The following LYPLAL1 variants were observed in gnomAD, a reference collection of about 807,000 sequenced individuals.
The protein encoded by LYPLAL1 is lysophospholipase-like protein 1.
A neutral mutation model predicts 19.7 loss-of-function variants in LYPLAL1; 23 were observed. The observed-to-expected ratio is 1.17, with a 90% confidence interval of 0.84 to 1.65. The LOEUF (loss-of-function observed/expected upper bound fraction) is 1.65, where lower values mean the gene tolerates loss of function less well. LYPLAL1 is among the 40% of genes most tolerant of loss of function. The probability of loss-of-function intolerance (pLI) is 0.00; values close to 1 mark genes in which losing one functional copy is unlikely to be tolerated. For missense variants in LYPLAL1, 355 were observed against 279.4 expected (o/e 1.27, Z -1.93); for synonymous variants, 119 against 96.3 (o/e 1.24, Z -1.38).
At chr1:219,272,434 G>A in the LYPLAL1 span, 1 of 152,382 alleles carries the variant, frequency 6.6e-6, no homozygotes, top group Non-Finnish European at 1.5e-5. Context: ...ACACCACAGG[G>A]ATGACAGGTT....
the LYPLAL1 span, among the ~76,000 whole-genome samples, chr1:219,306,837 T>TAGAC: frequency 5.2e-4 from 67 of 128,934 alleles, no homozygotes; most frequent in African/African-American, 1.9e-3. Context: ...GATAGATAGA[T>TAGAC]AGATAGATAG....
the LYPLAL1 span, among the ~76,000 whole-genome samples, chr1:219,328,908 G>A: frequency 6.6e-6 from 1 of 152,070 alleles, no homozygotes; most frequent in Non-Finnish European, 1.5e-5. Flanking sequence ...ATGAATAAGT[G>A]TCTTGTTTTC....
chr1:219,439,279 A>G, the LYPLAL1 span, among the ~76,000 whole-genome samples: 1 of 152,100 alleles, frequency 6.6e-6, no homozygotes, highest in Non-Finnish European at 1.5e-5. Context: ...CTATTAGAGC[A>G]CAGATAACAT....
chr1:219,274,066 G>A, the LYPLAL1 span, among the ~76,000 whole-genome samples: 4 of 152,290 alleles, frequency 2.6e-5, no homozygotes, highest in East Asian at 7.7e-4. Flanking sequence ...GGCCCTGTAT[G>A]TGTTTTATAA....
chr1:219,351,401 G>T, the LYPLAL1 span, among the ~76,000 whole-genome samples: 1 of 151,698 alleles, frequency 6.6e-6, no homozygotes, highest in East Asian at 1.9e-4. Flanking sequence ...ATTAAGGAGG[G>T]CACATCATCA....
At position 219,195,301 on chromosome 1, in the gene LYPLAL1, G is replaced by T. The variant is rs192577995; in HGVS notation, c.361+2050G>T. ...GAATTGTACTTTGAAAAACTAATTT[G>T]GCAGAAGGGGTAAGTAAAAGGATGA... On this transcript the variant is annotated intron_variant, in intron 3 of 4. Transcript: ENST00000366928. Among the ~76,000 whole-genome samples, 30 of 152,098 alleles carry T rather than the reference G, an allele frequency of 2.0e-4. No individual in the cohort carries two copies. In the East Asian group the frequency reaches 3.7e-3, roughly 19 times the overall value.
chr1:219,187,333 A>G (rs377533847), intron 2 of LYPLAL1, among the ~76,000 whole-genome samples: 48 of 151,606 alleles, frequency 3.2e-4, no homozygotes, highest in Non-Finnish European at 4.3e-4. Flanking sequence ...AAATCAGCTA[A>G]GGTAGGGGCA....
At chr1:219,289,203 A>AT in the LYPLAL1 span, among the ~76,000 whole-genome samples, 2 of 151,178 alleles carry the variant, frequency 1.3e-5, no homozygotes, top group South Asian at 4.2e-4. Context: ...GAAAAATTTG[A>AT]TAAGTATCAG....
At chr1:219,371,614 TGTA>T in the LYPLAL1 span, among the ~76,000 whole-genome samples, 3 of 152,226 alleles carry the variant, frequency 2.0e-5, no homozygotes, top group African/African-American at 7.2e-5. Flanking sequence ...GTAAACAGAC[TGTA>T]ACTTACTCTT....
At chr1:219,238,461 A>G in the LYPLAL1 span, among the ~76,000 whole-genome samples, 1 of 151,572 alleles carries the variant, frequency 6.6e-6, no homozygotes, top group Non-Finnish European at 1.5e-5. Context: ...TAAACTTTTA[A>G]TGTTTCTGTG....
At chr1:219,182,603 A>G (rs999208560) in intron 2 of LYPLAL1, among the ~76,000 whole-genome samples, 7 of 152,210 alleles carry the variant, frequency 4.6e-5, no homozygotes, top group Admixed American at 3.9e-4. Flanking sequence ...GAATTTTAAT[A>G]ACCTTTTTAA....
chr1:219,298,567 C>T, the LYPLAL1 span, among the ~76,000 whole-genome samples: 15 of 152,116 alleles, frequency 9.9e-5, no homozygotes, highest in African/African-American at 3.6e-4. Flanking sequence ...TTTTTCCCAC[C>T]ACCCAAGATG....
At chr1:219,398,457 T>C in the LYPLAL1 span, among the ~76,000 whole-genome samples, 1 of 152,200 alleles carries the variant, frequency 6.6e-6, no homozygotes, top group East Asian at 1.9e-4. Context: ...TCCCGCATCA[T>C]TTTATTGTGA....
At position 219,211,719 on chromosome 1, in the gene LYPLAL1, A is replaced by G. The variant is rs748091380; in HGVS notation, c.705A>G (p.Lys235=). The change falls in exon 5 of 5, where the codon AAA becomes AAG. Residue 235 remains lysine, a synonymous_variant. Coordinates refer to ENST00000366928, the MANE Select transcript of LYPLAL1 (RefSeq NM_138794.5). The part of the protein sequence containing the change: ...ILTKLPGEME[K]QK Reference sequence around the variant, plus strand: ...CAAAGCTGCCAGGAGAAATGGAAAAACAAAAATGAATGAATCAAGAGTGAT... The same window carrying G: ...CAAAGCTGCCAGGAGAAATGGAAAAGCAAAAATGAATGAATCAAGAGTGAT... The G allele has an allele frequency of 6.3e-7, 1 of 1,598,600 alleles. No individual in the cohort carries two copies. The highest frequency in any genetic ancestry group is 8.5e-7 in the Non-Finnish European group (1 of 1,170,860).
chr1:219,179,436 T>TG, intron 2 of LYPLAL1, 190 bp downstream of exon 2: 2 of 535,336 alleles, frequency 3.7e-6, no homozygotes, highest in Non-Finnish European at 6.5e-6. Context: ...GGTGAGTAAT[T>TG]TATTCCCTTT....
the LYPLAL1 span, among the ~76,000 whole-genome samples, chr1:219,400,188 C>T: frequency 3.3e-5 from 5 of 152,250 alleles, no homozygotes; most frequent in East Asian, 9.6e-4. Context: ...CCTCTGACCA[C>T]TCTCAGTGCC....
chr1:219,441,308 A>T, the LYPLAL1 span, among the ~76,000 whole-genome samples: 2 of 152,306 alleles, frequency 1.3e-5, no homozygotes, highest in Admixed American at 1.3e-4. Context: ...TAGGATAATG[A>T]TATTGTGCTC....
chr1:219,266,623 A>G, the LYPLAL1 span, among the ~76,000 whole-genome samples: 3 of 152,168 alleles, frequency 2.0e-5, no homozygotes. Context: ...CACTATATAT[A>G]ATTGTATGTG....
the LYPLAL1 span, chr1:219,273,351 G>A: frequency 6.6e-6 from 1 of 152,188 alleles, no homozygotes; most frequent in Non-Finnish European, 1.5e-5. Context: ...ACTTTTTGAT[G>A]TAAGACTTTC....
Sources: allele counts gnomAD v4.1 joint callset (sites outside exome capture counted in the v4.1 genomes callset), GRCh38; gene constraint gnomAD v4.1.1; transcripts MANE v1.5; gene names NCBI Gene and HGNC (gene_info 2026-07-23, HGNC 2026-07-21).